ZNF516: variants seen among roughly 807,000 people sequenced by gnomAD.
ZNF516 encodes zinc finger protein 516.
ZNF516 carries 19 observed loss-of-function variants against 79.7 expected under a neutral mutation model. That is an observed-to-expected ratio of 0.24 (90% CI 0.17 to 0.35). ZNF516 has a LOEUF of 0.35. Ranked by LOEUF, ZNF516 falls within the 10% of genes least tolerant of loss-of-function variation. The pLI, the probability that ZNF516 is intolerant of heterozygous loss-of-function variation, is 1.00. For missense variants in ZNF516, 1,678 were observed against 1,679.5 expected (o/e 1.00, Z 0.02); for synonymous variants, 877 against 739.5 (o/e 1.19, Z -3.02).
At chr18:76,392,758 C>T (rs1311103673) in intron 3 of ZNF516, among the ~76,000 whole-genome samples, 1 of 21,010 alleles carries the variant, frequency 4.8e-5, no homozygotes, top group Non-Finnish European at 9.4e-5. Flanking sequence ...GATGGGAAGG[C>T]AGGTGACCAG....
intron 3 of ZNF516, among the ~76,000 whole-genome samples, chr18:76,415,443 C>T (rs964050269): frequency 1.3e-5 from 2 of 152,114 alleles, no homozygotes; most frequent in Non-Finnish European, 1.5e-5. Context: ...ACTAAGTGCA[C>T]GCCTCTGAGC....
chr18:76,401,675 C>T (rs1159578526), intron 3 of ZNF516, among the ~76,000 whole-genome samples: 1 of 150,152 alleles, frequency 6.7e-6, no homozygotes, highest in Non-Finnish European at 1.5e-5. Flanking sequence ...GCCCGGAGCA[C>T]AACCGGCCTC....
At chr18:76,452,709 A>AG (rs367930891) in intron 2 of ZNF516, among the ~76,000 whole-genome samples, 35 of 152,336 alleles carry the variant, frequency 2.3e-4, no homozygotes, top group Admixed American at 6.5e-4. Flanking sequence ...ACAGTATCAC[A>AG]ATATATTCTC....
chr18:76,496,047 A>G (rs1915467863), upstream of ZNF516, among the ~76,000 whole-genome samples: 1 of 151,896 alleles, frequency 6.6e-6, no homozygotes, highest in Non-Finnish European at 1.5e-5. Context: ...ACTCCCCACG[A>G]GCAGTAGTTA....
intron 1 of ZNF516, chr18:76,491,093 C>T (rs1279438548): frequency 2.0e-6 from 2 of 985,042 alleles, no homozygotes; most frequent in African/African-American, 3.5e-5. Flanking sequence ...GTCCTCGGGG[C>T]CACGCCTTTC....
intron 2 of ZNF516, among the ~76,000 whole-genome samples, chr18:76,444,170 A>G (rs1426064938): frequency 6.6e-6 from 1 of 152,222 alleles, no homozygotes; most frequent in Non-Finnish European, 1.5e-5. Flanking sequence ...AAAGCAGCAG[A>G]ACGATGAGCC....
chr18:76,448,452 C>G (rs690593), intron 2 of ZNF516, among the ~76,000 whole-genome samples: 82,173 of 151,980 alleles, frequency 0.54, 22,440 homozygotes, highest in South Asian at 0.67. Context: ...CGGTAAGCTG[C>G]TGAAACACTT....
intron 3 of ZNF516, among the ~76,000 whole-genome samples, chr18:76,398,881 T>C (rs1211642598): frequency 1.3e-5 from 2 of 152,182 alleles, no homozygotes; most frequent in Non-Finnish European, 2.9e-5. Context: ...CCAAATTCCG[T>C]GTCTTTTACA....
chr18:76,463,365 G>A (rs952203991), intron 1 of ZNF516, among the ~76,000 whole-genome samples: 1 of 152,230 alleles, frequency 6.6e-6, no homozygotes, highest in Non-Finnish European at 1.5e-5. Flanking sequence ...CCAGGAGCAG[G>A]AGAAGCATTC....
chr18:76,473,355 CAAAA>C (rs35092154), intron 1 of ZNF516, among the ~76,000 whole-genome samples: 8 of 87,676 alleles, frequency 9.1e-5, no homozygotes, highest in Admixed American at 5.1e-4. Flanking sequence ...TTGCTCTCTG[CAAAA>C]AAAAAAAAAA....
At chr18:76,382,918 C>T (rs1452766330) in intron 3 of ZNF516, among the ~76,000 whole-genome samples, 3 of 151,818 alleles carry the variant, frequency 2.0e-5, no homozygotes, top group Admixed American at 6.6e-5. Flanking sequence ...TGGTGGCATG[C>T]GCCTCTAATC....
intron 4 of ZNF516, among the ~76,000 whole-genome samples, chr18:76,372,010 G>A (rs1027319639): frequency 3.9e-5 from 6 of 152,172 alleles, no homozygotes; most frequent in Non-Finnish European, 8.8e-5. Flanking sequence ...GCGATCCTGG[G>A]AGACCCACGC....
intron 1 of ZNF516, among the ~76,000 whole-genome samples, chr18:76,474,526 C>CT (rs1429930885): frequency 6.6e-6 from 1 of 152,192 alleles, no homozygotes; most frequent in African/African-American, 2.4e-5. Flanking sequence ...TGCAAACTCT[C>CT]TTCAAAGTAC....
chr18:76,432,378 A>G (rs1181225277), intron 3 of ZNF516, among the ~76,000 whole-genome samples: 1 of 152,184 alleles, frequency 6.6e-6, no homozygotes, highest in African/African-American at 2.4e-5. Flanking sequence ...CGTGCAAAGC[A>G]CCAGCACCAC....
At chr18:76,425,243 G>GC (rs1392617170) in intron 3 of ZNF516, among the ~76,000 whole-genome samples, 1 of 151,994 alleles carries the variant, frequency 6.6e-6, no homozygotes, top group Non-Finnish European at 1.5e-5. Flanking sequence ...ACTGTTTTAC[G>GC]CCTTTTCCAT....
At chr18:76,381,360 G>T (rs1276112826) in intron 3 of ZNF516, among the ~76,000 whole-genome samples, 1 of 152,134 alleles carries the variant, frequency 6.6e-6, no homozygotes, top group African/African-American at 2.4e-5. Context: ...AAAACTCTCT[G>T]AACTATAAAA....
In ZNF516 at chr18:76,475,552, C is replaced by A. The variant is rs144627152; in HGVS notation, c.-271-12411G>T. ...TCGTATATTAGTAAAGTTCCCTGCA[C>A]GCTAAGAGAAAGCTGATAGCAGCCC... On this transcript the variant is annotated intron_variant, in intron 1 of 6. Transcript: ENST00000443185. Among the ~76,000 whole-genome samples, 698 of 152,308 alleles carry A rather than the reference C, an allele frequency of 4.6e-3. 7 individuals carry two copies. The highest frequency in any genetic ancestry group is 0.015 in the African/African-American group (623 of 41,556).
At chr18:76,464,743 C>G (rs1913351307) in intron 1 of ZNF516, among the ~76,000 whole-genome samples, 1 of 152,142 alleles carries the variant, frequency 6.6e-6, no homozygotes, top group Non-Finnish European at 1.5e-5. Flanking sequence ...ACAGTGGCCT[C>G]CTGGACTTGC....
chr18:76,442,521 G>T lies in ZNF516; in HGVS notation c.534C>A (p.Phe178Leu), dbSNP rs1360077401. 1.2e-6 allele frequency: 2 copies of T among 1,600,752 alleles called. No individual in the cohort carries two copies. Among genetic ancestry groups the T allele is most frequent in the African/African-American group, 2.7e-5 (2 of 74,940 alleles). ...GEAKAAVQCS[F>L]CKSQFERKKD... ...TCTTACGCTCGAACTGGCTCTTGCA[G>T]AAGGAGCACTGGACCGCTGCCTTGG... is the stretch of plus-strand genomic sequence containing the variant. The change falls in exon 3 of 7, where the codon TTC (phenylalanine) becomes TTA (leucine). Residue 178 changes from phenylalanine (F) to leucine (L), a missense_variant. Phe to Leu is a conservative substitution (Grantham distance 22). Around this residue, in one of 5 missense-constraint regions of ZNF516, gnomAD observed 279 missense variants for 254.1 expected, o/e 1.10. Transcript: ENST00000443185.
Sources: gnomAD v4.1 joint callset for allele counts (sites outside exome capture counted in the v4.1 genomes callset) on GRCh38, gnomAD v4.1.1 for gene constraint, gnomAD v4.1.1 regional missense constraint, MANE v1.5 for transcripts, NCBI Gene and HGNC (gene_info 2026-07-23, HGNC 2026-07-21) for gene names.